Variants in P2RY8 observed in about 807,000 individuals in gnomAD.
The protein encoded by P2RY8 is P2Y receptor family member 8.
In P2RY8, 6 loss-of-function variants were observed where a neutral mutation model predicts 10.0. That is an observed-to-expected ratio of 0.60 (90% CI 0.33 to 1.19). The LOEUF is 1.19. P2RY8 is among the 50% of genes most tolerant of loss of function. The pLI, the probability that P2RY8 is intolerant of heterozygous loss-of-function variation, is 0.04. For synonymous variants in P2RY8, 276 were observed against 252.5 expected (o/e 1.09, Z -0.88); for missense variants, 456 against 542.0 (o/e 0.84, Z 1.58).
At chrX:1,468,298 C>G (rs1165193356) in intron 1 of P2RY8, among the ~76,000 whole-genome samples, 1 of 152,230 alleles carries the variant, frequency 6.6e-6, no homozygotes, top group Non-Finnish European at 1.5e-5. Flanking sequence ...TTAAACACCA[C>G]GTGCTGTTGA....
intron 1 of P2RY8, among the ~76,000 whole-genome samples, chrX:1,521,098 G>T (rs868039040): frequency 1.4e-5 from 2 of 140,150 alleles, no homozygotes; most frequent in Admixed American, 7.8e-5. Flanking sequence ...GCAGCGGTGC[G>T]ATCTGAGCTC....
chrX:1,504,071 A>G (rs779730492), intron 1 of P2RY8, among the ~76,000 whole-genome samples: 2 of 151,984 alleles, frequency 1.3e-5, no homozygotes, highest in South Asian at 2.1e-4. Context: ...TAATCCCAGC[A>G]CTTTGGGAGG....
chrX:1,506,867 G>A (rs1421677817), intron 1 of P2RY8, among the ~76,000 whole-genome samples: 24 of 151,758 alleles, frequency 1.6e-4, no homozygotes, highest in African/African-American at 4.4e-4. Flanking sequence ...TAGTAGAGAC[G>A]GGGTTTCACC....
chrX:1,509,002 T>TCATCCATC (rs776849927), intron 1 of P2RY8, among the ~76,000 whole-genome samples: 20,056 of 115,950 alleles, frequency 0.17, 1,303 homozygotes, highest in South Asian at 0.27. Context: ...CTGTATGTGT[T>TCATCCATC]CATCCATCCA....
rs1387690281 is a variant in P2RY8 at position 1,533,659 on chromosome X, ATTAT to A, written c.-25+3258_-25+3261del. ...TTACATATTTATTATTTACATATTT[ATTAT>A]TTAAATATATTTTATATTTATATAT... is the stretch of plus-strand genomic sequence containing the variant. On this transcript the variant is annotated intron_variant, in intron 1 of 1. Transcript: ENST00000381297. Among the ~76,000 whole-genome samples, 7 of 126,980 alleles carry A rather than the reference ATTAT, an allele frequency of 5.5e-5. No individual in the cohort carries two copies. The East Asian group carries it at 1.7e-3, about 31-fold the overall frequency. The allele number at this position is 126,980 out of a possible 152,430, so 83.3% of individuals were successfully genotyped here.
chrX:1,490,934 T>A, intron 1 of P2RY8, among the ~76,000 whole-genome samples: 1 of 140,642 alleles, frequency 7.1e-6, no homozygotes, highest in African/African-American at 2.7e-5. Flanking sequence ...AATGAATGAA[T>A]GATACCCCAG....
chrX:1,511,022 A>G (rs1481700935), intron 1 of P2RY8, among the ~76,000 whole-genome samples: 2 of 151,734 alleles, frequency 1.3e-5, no homozygotes, highest in African/African-American at 4.8e-5. Context: ...ACTAAAAAAT[A>G]CAAAAAAATT....
rs779648095 is a variant in P2RY8, at chrX:1,509,374, TTCTATCTATCTA to T, written c.-25+27535_-25+27546del. Among the ~76,000 whole-genome samples the T allele has an allele frequency of 4.1e-3, 544 of 131,214 alleles. 1 individual carries two copies. The highest frequency in any genetic ancestry group is 0.038 in the Middle Eastern group (7 of 184). The allele number at this position is 131,214 out of a possible 152,430, so 86.1% of individuals were successfully genotyped here. A position where few individuals can be genotyped will look rare whatever the true frequency, so the allele number is the denominator to read the frequency against. ...ATCCATCCATCCATCCATCCATCTA[TTCTATCTATCTA>T]TCTATCTATCTATCTATCTATCTAT... is the stretch of plus-strand genomic sequence containing the variant. On this transcript the variant is annotated intron_variant, in intron 1 of 1. Transcript: ENST00000381297.
At chrX:1,509,002 T>TCATCCATCCATCCATC (rs776849927) in intron 1 of P2RY8, among the ~76,000 whole-genome samples, 18 of 116,608 alleles carry the variant, frequency 1.5e-4, no homozygotes, top group East Asian at 2.7e-4. Context: ...CTGTATGTGT[T>TCATCCATCCATCCATC]CATCCATCCA....
intron 1 of P2RY8, among the ~76,000 whole-genome samples, chrX:1,485,668 A>AT: frequency 6.8e-6 from 1 of 147,906 alleles, no homozygotes; most frequent in East Asian, 1.9e-4. Context: ...TTGTTATATA[A>AT]TAATTTATTT....
intron 1 of P2RY8, among the ~76,000 whole-genome samples, chrX:1,489,169 A>C (rs1488739634): frequency 3.3e-5 from 5 of 152,174 alleles, no homozygotes; most frequent in African/African-American, 1.2e-4. Flanking sequence ...AGTGGAGGGA[A>C]TGAATGAATG....
At chrX:1,524,677 C>G (rs536413684) in intron 1 of P2RY8, among the ~76,000 whole-genome samples, 1 of 30,760 alleles carries the variant, frequency 3.3e-5, no homozygotes, top group Non-Finnish European at 6.5e-5. Context: ...ATTCATCCAT[C>G]CATCCATCCA....
intron 1 of P2RY8, among the ~76,000 whole-genome samples, chrX:1,509,800 TC>T: frequency 9.2e-6 from 1 of 108,234 alleles, no homozygotes; most frequent in African/African-American, 3.2e-5. Context: ...ATCCATCCTA[TC>T]TATCTATCTA....
rs1381131483 is a variant in P2RY8, at chrX:1,499,338, A to G, written c.-24-32756T>C. Among the ~76,000 whole-genome samples, 14 of 148,522 alleles carry G rather than the reference A, an allele frequency of 9.4e-5. No homozygotes were observed. The South Asian group carries it at 2.8e-3, about 29-fold the overall frequency. ...GTGCCACCACGCCTGGCCAATTTTT[A>G]TATTTTTAGTAGAGACGGGGTTTCA... On this transcript the variant is annotated intron_variant, in intron 1 of 1. Coordinates refer to ENST00000381297, the MANE Select transcript of P2RY8 (RefSeq NM_178129.5).
chrX:1,525,038 C>G (rs2092431113), intron 1 of P2RY8, among the ~76,000 whole-genome samples: 1 of 152,230 alleles, frequency 6.6e-6, no homozygotes, highest in Non-Finnish European at 1.5e-5. Context: ...TCTCATAGTC[C>G]TGTAGCCAGG....
At chrX:1,486,736 A>G (rs1444305076) in intron 1 of P2RY8, among the ~76,000 whole-genome samples, 1 of 152,222 alleles carries the variant, frequency 6.6e-6, no homozygotes, top group African/African-American at 2.4e-5. Flanking sequence ...TCAACAAGAA[A>G]CAATTGTCTC....
chrX:1,467,359 C>T (rs1335331357), intron 1 of P2RY8, among the ~76,000 whole-genome samples: 4 of 152,124 alleles, frequency 2.6e-5, no homozygotes, highest in Non-Finnish European at 4.4e-5. Context: ...TAAAATGGCC[C>T]GGAGTTTTCG....
At chrX:1,508,339 G>A (rs1377298048) in intron 1 of P2RY8, among the ~76,000 whole-genome samples, 2 of 152,106 alleles carry the variant, frequency 1.3e-5, no homozygotes, top group Non-Finnish European at 2.9e-5. Flanking sequence ...TGTCATGACG[G>A]GGTGGAGGAG....
rs1306264787 is a variant in P2RY8, at chrX:1,512,519, C to T, written c.-25+24402G>A. Among the ~76,000 whole-genome samples the T allele has an allele frequency of 2.2e-5, 3 of 135,166 alleles. No individual in the cohort carries two copies. In the Admixed American group the frequency reaches 2.5e-4, roughly 11 times the overall value. The allele number at this position is 135,166 out of a possible 152,430, so 88.7% of individuals were successfully genotyped here. A position where few individuals can be genotyped will look rare whatever the true frequency, so the allele number is the denominator to read the frequency against. ...CTGAGATCATGCCATTGCACTCCAG[C>T]CTGGGCAACAGAGTGAGACTCCGTC... On this transcript the variant is annotated intron_variant, in intron 1 of 1. Coordinates refer to ENST00000381297, the MANE Select transcript of P2RY8 (RefSeq NM_178129.5).
Sources: allele counts gnomAD v4.1 joint callset (sites outside exome capture counted in the v4.1 genomes callset), GRCh38; gene constraint gnomAD v4.1.1; transcripts MANE v1.5; gene names NCBI Gene and HGNC (gene_info 2026-07-23, HGNC 2026-07-21).